Variants in LYPLAL1 observed in about 807,000 individuals in gnomAD.
LYPLAL1 encodes the protein lysophospholipase-like protein 1.
A neutral mutation model predicts 19.7 loss-of-function variants in LYPLAL1; 23 were observed. The observed-to-expected ratio is 1.17, with a 90% CI of 0.84 to 1.65. LYPLAL1 has a LOEUF of 1.65. LYPLAL1 is among the 40% of genes most tolerant of loss of function. LYPLAL1 has a pLI of 0.00. For missense variants in LYPLAL1, 355 were observed against 279.4 expected, an observed-to-expected ratio of 1.27 and a Z score of -1.93; for synonymous variants, 119 against 96.3, an observed-to-expected ratio of 1.24 and a Z score of -1.38.
At chr1:219,180,291 T>C (rs1415464099) in intron 2 of LYPLAL1, among the ~76,000 whole-genome samples, 2 of 152,226 alleles carry the variant, frequency 1.3e-5, no homozygotes. Flanking sequence ...TGGCCTGTTC[T>C]TGATTTTTTT....
At chr1:219,364,500 C>A in the LYPLAL1 span, among the ~76,000 whole-genome samples, 1 of 150,326 alleles carries the variant, frequency 6.7e-6, no homozygotes, top group African/African-American at 2.4e-5. Context: ...CCACTACTCC[C>A]CACTCTTTTT....
chr1:219,436,585 C>T, the LYPLAL1 span, among the ~76,000 whole-genome samples: 1 of 151,966 alleles, frequency 6.6e-6, no homozygotes, highest in Non-Finnish European at 1.5e-5. Flanking sequence ...TTCCTTGCCC[C>T]ATGGGAAGAG....
chr1:219,283,794 T>C, the LYPLAL1 span, among the ~76,000 whole-genome samples: 1 of 152,158 alleles, frequency 6.6e-6, no homozygotes, highest in African/African-American at 2.4e-5. Context: ...GGTAGAGACT[T>C]AGTCATTGAG....
chr1:219,264,275 AT>A, the LYPLAL1 span, among the ~76,000 whole-genome samples: 1 of 152,082 alleles, frequency 6.6e-6, no homozygotes, highest in African/African-American at 2.4e-5. Flanking sequence ...CAGACCACCA[AT>A]TGGGTGGACA....
At chr1:219,174,048 T>C in intron 1 of LYPLAL1, 67 bp downstream of exon 1, 1 of 1,601,106 alleles carries the variant, frequency 6.2e-7, no homozygotes. Context: ...GTTACCCCAG[T>C]ATTGCCCAAG....
the LYPLAL1 span, among the ~76,000 whole-genome samples, chr1:219,358,497 A>C: frequency 6.6e-6 from 1 of 152,190 alleles, no homozygotes; most frequent in African/African-American, 2.4e-5. Context: ...TAAAGAAAAG[A>C]GGTTTAATTG....
the LYPLAL1 span, among the ~76,000 whole-genome samples, chr1:219,283,669 G>A: frequency 4.6e-5 from 7 of 151,966 alleles, no homozygotes; most frequent in Non-Finnish European, 1.0e-4. Flanking sequence ...TTTGGGCAGA[G>A]GAAAGGCAAA....
the LYPLAL1 span, among the ~76,000 whole-genome samples, chr1:219,239,986 C>T: frequency 6.6e-6 from 1 of 152,202 alleles, no homozygotes; most frequent in Non-Finnish European, 1.5e-5. Flanking sequence ...TATCATTAAA[C>T]CTTGTCAAAC....
chr1:219,298,830 G>T, the LYPLAL1 span, among the ~76,000 whole-genome samples: 3 of 152,094 alleles, frequency 2.0e-5, no homozygotes, highest in Non-Finnish European at 4.4e-5. Flanking sequence ...TGAAATGCAG[G>T]TCTAAGACGG....
chr1:219,181,245 T>C (rs1656251498), intron 2 of LYPLAL1, among the ~76,000 whole-genome samples: 1 of 152,200 alleles, frequency 6.6e-6, no homozygotes, highest in South Asian at 2.1e-4. Context: ...TGATGCTAAA[T>C]AATTACACTG....
chr1:219,344,838 A>T, the LYPLAL1 span, among the ~76,000 whole-genome samples: 68 of 152,154 alleles, frequency 4.5e-4, no homozygotes, highest in Non-Finnish European at 4.6e-4. Flanking sequence ...AAAATATTTC[A>T]TTTCTTTCCA....
At chr1:219,194,247 G>A (rs935570712) in intron 3 of LYPLAL1, among the ~76,000 whole-genome samples, 1 of 151,788 alleles carries the variant, frequency 6.6e-6, no homozygotes, top group Non-Finnish European at 1.5e-5. Context: ...TAACGTTGAT[G>A]TTTAACTCTA....
chr1:219,423,547 A>G, the LYPLAL1 span, among the ~76,000 whole-genome samples: 6 of 152,180 alleles, frequency 3.9e-5, no homozygotes, highest in Non-Finnish European at 8.8e-5. Flanking sequence ...TCATTTTCCA[A>G]ACACTAAGAC....
intron 3 of LYPLAL1, among the ~76,000 whole-genome samples, chr1:219,202,652 A>G (rs921324309): frequency 1.3e-5 from 2 of 152,166 alleles, no homozygotes; most frequent in Non-Finnish European, 2.9e-5. Context: ...TTTATTAAGC[A>G]CACACAACCC....
chr1:219,190,622 T>TAAAA lies in LYPLAL1; in HGVS notation c.192-2443_192-2440dup, dbSNP rs35544870. Among the ~76,000 whole-genome samples the TAAAA allele has an allele frequency of 2.5e-3, 211 of 85,884 alleles. 9 individuals carry two copies. Among genetic ancestry groups the TAAAA allele is most frequent in the Middle Eastern group, 0.011 (1 of 90 alleles). 56.3% of individuals were successfully genotyped at this position (85,884 alleles called of 152,430 possible). On this transcript the variant is annotated intron_variant, in intron 2 of 4. Transcript: ENST00000366928. ...ATCAAATGTAGAGTCTTTTGTCCAG[T>TAAAA]AAAAAAAAAAAAAAAAAAAACCCTT...
the LYPLAL1 span, among the ~76,000 whole-genome samples, chr1:219,261,660 A>G: frequency 4.6e-5 from 7 of 152,174 alleles, no homozygotes; most frequent in African/African-American, 1.4e-4. Context: ...CTTGGCTGAT[A>G]GTTATTTTGT....
chr1:219,419,998 G>A, the LYPLAL1 span, among the ~76,000 whole-genome samples: 1 of 152,180 alleles, frequency 6.6e-6, no homozygotes, highest in African/African-American at 2.4e-5. Flanking sequence ...CCCTTGCTTG[G>A]GAAAGGGAAC....
chr1:219,305,488 G>C, the LYPLAL1 span, among the ~76,000 whole-genome samples: 1 of 152,068 alleles, frequency 6.6e-6, no homozygotes, highest in African/African-American at 2.4e-5. Context: ...AGGATGTTTT[G>C]GGGTCACAAA....
the LYPLAL1 span, among the ~76,000 whole-genome samples, chr1:219,250,730 G>A: frequency 9.2e-5 from 14 of 152,012 alleles, no homozygotes; most frequent in East Asian, 3.9e-4. Flanking sequence ...TTGATTTCAC[G>A]TCTTTACTAT....
Sources: allele counts gnomAD v4.1 joint callset (sites outside exome capture counted in the v4.1 genomes callset), GRCh38; gene constraint gnomAD v4.1.1; transcripts MANE v1.5; gene names NCBI Gene and HGNC (gene_info 2026-07-23, HGNC 2026-07-21).